Variants in NRXN3 observed in about 807,000 individuals in gnomAD.
The protein encoded by NRXN3 is neurexin III.
NRXN3 carries 32 observed loss-of-function variants against 137.6 expected under a neutral mutation model. The ratio of observed to expected loss-of-function variants is 0.23; its 90% CI spans 0.18 to 0.31. The LOEUF (loss-of-function observed/expected upper bound fraction) is 0.31. Among genes scored for constraint, NRXN3 ranks in the 10% least tolerant of loss-of-function variants. The probability of loss-of-function intolerance (pLI) is 1.00; values close to 1 mark genes in which losing one functional copy is unlikely to be tolerated. For missense variants in NRXN3, 1,574 were observed against 2,062.5 expected, an observed-to-expected ratio of 0.76 and a Z score of 4.59; for synonymous variants, 798 against 784.5, an observed-to-expected ratio of 1.02 and a Z score of -0.29.
intron 15 of NRXN3, among the ~76,000 whole-genome samples, chr14:79,424,817 T>C (rs995890839): frequency 1.3e-5 from 2 of 152,218 alleles, no homozygotes; most frequent in Non-Finnish European, 2.9e-5. Flanking sequence ...ATGCAGGCGA[T>C]ACTTTGCTTT....
chr14:79,805,159 T>C lies in NRXN3; in HGVS notation c.4062T>C (p.Asp1354=). ...CATCTGCTGAATGTTCAAGTGATGA[T>C]GAAGACTTTGTTGAATGTGAGCCGA... ...LVSSAECSSD[D]EDFVECEPST... The change falls in exon 20 of 21, where the codon GAT becomes GAC. Residue 1354 remains aspartate, a synonymous_variant. Coordinates refer to ENST00000335750, the MANE Select transcript of NRXN3 (RefSeq NM_001330195.2). 1 of 1,613,868 alleles carries C rather than the reference T, an allele frequency of 6.2e-7. No homozygotes were observed. The highest frequency in any genetic ancestry group is 1.1e-5 in the South Asian group (1 of 91,066).
At chr14:79,496,863 A>G (rs2096772262) in intron 16 of NRXN3, among the ~76,000 whole-genome samples, 1 of 152,334 alleles carries the variant, frequency 6.6e-6, no homozygotes, top group Admixed American at 6.5e-5. Flanking sequence ...ACAGCCCAGC[A>G]TGGGAGAGGG....
chr14:79,835,259 C>T (rs1352116488), intron 20 of NRXN3, among the ~76,000 whole-genome samples: 1 of 152,098 alleles, frequency 6.6e-6, no homozygotes, highest in African/African-American at 2.4e-5. Flanking sequence ...AACTTGTATA[C>T]ATTTCAAAAC....
intron 15 of NRXN3, among the ~76,000 whole-genome samples, chr14:79,443,720 C>T (rs546252632): frequency 6.6e-6 from 1 of 152,276 alleles, no homozygotes; most frequent in Non-Finnish European, 1.5e-5. Flanking sequence ...AAGAAGGGTC[C>T]TGTCCTATTT....
At chr14:78,989,948 G>A (rs1031154609) in intron 15 of NRXN3, among the ~76,000 whole-genome samples, 6 of 152,104 alleles carry the variant, frequency 3.9e-5, no homozygotes, top group African/African-American at 1.2e-4. Context: ...CCAATGCCAG[G>A]CATTATTTTC....
chr14:78,434,697 G>A (rs2094002721), intron 4 of NRXN3, among the ~76,000 whole-genome samples: 1 of 152,148 alleles, frequency 6.6e-6, no homozygotes, highest in African/African-American at 2.4e-5. Context: ...CCTGCTCAGA[G>A]GGATGTGAGG....
intron 16 of NRXN3, among the ~76,000 whole-genome samples, chr14:79,490,521 G>A (rs1443718744): frequency 6.6e-6 from 1 of 152,116 alleles, no homozygotes; most frequent in Non-Finnish European, 1.5e-5. Flanking sequence ...GCAATCATAT[G>A]GCTGGAACTA....
chr14:79,474,870 G>T (rs185299659), intron 16 of NRXN3, among the ~76,000 whole-genome samples: 1 of 152,090 alleles, frequency 6.6e-6, no homozygotes, highest in Non-Finnish European at 1.5e-5. Flanking sequence ...GAAAATAAAA[G>T]AGCAAGAAGA....
chr14:78,966,526 C>T, intron 12 of NRXN3, 120 bp downstream of exon 12: 1 of 1,022,460 alleles, frequency 9.8e-7, no homozygotes, highest in East Asian at 2.4e-5. Flanking sequence ...CTGACACATT[C>T]TCGCATCTTC....
intron 16 of NRXN3, among the ~76,000 whole-genome samples, chr14:79,625,008 A>C (rs1164864001): frequency 6.6e-6 from 1 of 151,876 alleles, no homozygotes; most frequent in African/African-American, 2.4e-5. Context: ...TATGTTTCCC[A>C]GGTTGGTCTC....
chr14:78,256,883 A>T (rs957845302), intron 2 of NRXN3, among the ~76,000 whole-genome samples: 1 of 152,152 alleles, frequency 6.6e-6, no homozygotes, highest in African/African-American at 2.4e-5. Flanking sequence ...ATCTCTCTTT[A>T]ATTAGTTATA....
intron 15 of NRXN3, among the ~76,000 whole-genome samples, chr14:79,257,394 G>A (rs1367284861): frequency 2.2e-4 from 21 of 94,306 alleles, no homozygotes; most frequent in African/African-American, 5.6e-4. Context: ...GGTGATGGTG[G>A]TGGTGGTGGT....
Position 78,968,314 on chromosome 14 carries a change from A to T in NRXN3, c.3110A>T (p.His1037Leu). 7 of 1,613,950 alleles carry T rather than the reference A, an allele frequency of 4.3e-6. No individual in the cohort carries two copies. Among genetic ancestry groups the T allele is most frequent in the Non-Finnish European group, 5.9e-6 (7 of 1,179,918 alleles). The change falls in exon 14 of 21, where the codon CAT becomes CTT. Residue 1037 changes from histidine (H) to leucine (L), a missense_variant. His to Leu is a moderately conservative substitution (Grantham distance 99, BLOSUM62 -3). This residue lies in a region of NRXN3 where 718 missense variants were observed against 887.6 expected (regional missense o/e 0.81). Transcript: ENST00000335750. ...CCAGACCTCATCAATGATGCTCTTCATCGGAGCGGACAGATCGAGCGTGGC... is the reference window on the plus strand; with the variant it reads ...CCAGACCTCATCAATGATGCTCTTCTTCGGAGCGGACAGATCGAGCGTGGC... ...RLPDLINDALHRSGQIERGCE... is the reference protein window; with the variant it reads ...RLPDLINDALLRSGQIERGCE...
chr14:79,355,155 G>C (rs2093372297), intron 15 of NRXN3, among the ~76,000 whole-genome samples: 1 of 152,086 alleles, frequency 6.6e-6, no homozygotes, highest in African/African-American at 2.4e-5. Context: ...TACTGATTAT[G>C]AATAAGTCAT....
intron 19 of NRXN3, among the ~76,000 whole-genome samples, chr14:79,739,249 A>G (rs777051739): frequency 6.6e-6 from 1 of 152,220 alleles, no homozygotes; most frequent in Non-Finnish European, 1.5e-5. Flanking sequence ...ATACAGTAAT[A>G]TGAATACATA....
intron 4 of NRXN3, among the ~76,000 whole-genome samples, chr14:78,557,433 A>G (rs2152245725): frequency 6.6e-6 from 1 of 152,262 alleles, no homozygotes; most frequent in Non-Finnish European, 1.5e-5. Context: ...TGGAAGGAGC[A>G]TAGTAACTCT....
chr14:78,363,469 A>G (rs1248366008), intron 4 of NRXN3, among the ~76,000 whole-genome samples: 3 of 152,342 alleles, frequency 2.0e-5, no homozygotes, highest in African/African-American at 7.2e-5. Flanking sequence ...TTAAATTATC[A>G]TAAAGATGAC....
At chr14:78,795,848 G>A (rs538802917) in intron 8 of NRXN3, among the ~76,000 whole-genome samples, 2 of 152,294 alleles carry the variant, frequency 1.3e-5, no homozygotes, top group South Asian at 4.1e-4. Context: ...AGGACACACA[G>A]CAAATGGAAA....
At chr14:79,365,673 T>C (rs1033928327) in intron 15 of NRXN3, among the ~76,000 whole-genome samples, 20 of 134,472 alleles carry the variant, frequency 1.5e-4, no homozygotes, top group African/African-American at 5.1e-4. Context: ...GAGCCGAGAT[T>C]GCGCCACTGC....
Sources: gnomAD v4.1 joint callset for allele counts (sites outside exome capture counted in the v4.1 genomes callset) on GRCh38, gnomAD v4.1.1 for gene constraint, gnomAD v4.1.1 regional missense constraint, MANE v1.5 for transcripts, NCBI Gene and HGNC (gene_info 2026-07-23, HGNC 2026-07-21) for gene names.